BMF: variants seen among roughly 807,000 people sequenced by gnomAD.
The protein encoded by BMF is bcl-2-modifying factor.
Under a neutral mutation model 22.0 loss-of-function variants are expected in BMF, and 10 were observed. That is an observed-to-expected ratio of 0.45 (90% CI 0.28 to 0.77). The LOEUF is 0.77. Ranked by LOEUF, BMF falls within the 30% of genes least tolerant of loss-of-function variation. The pLI is 0.13. For synonymous variants in BMF, 87 were observed against 88.1 expected (o/e 0.99, Z 0.07); for missense variants, 206 against 226.8 (o/e 0.91, Z 0.59).
intron 4 of BMF, among the ~76,000 whole-genome samples, chr15:40,098,842 TCTC>T (rs1214458036): frequency 1.3e-5 from 2 of 152,138 alleles, no homozygotes; most frequent in Non-Finnish European, 2.9e-5. Flanking sequence ...ACAAGGCCCT[TCTC>T]CTGGAAGAGA....
At chr15:40,103,636 C>G (rs965723154) in intron 4 of BMF, among the ~76,000 whole-genome samples, 1 of 152,234 alleles carries the variant, frequency 6.6e-6, no homozygotes, top group Non-Finnish European at 1.5e-5. Context: ...GTACACTCTC[C>G]GGAGTCCCAG....
intron 4 of BMF, among the ~76,000 whole-genome samples, chr15:40,103,879 G>C (rs1280066034): frequency 6.6e-6 from 1 of 152,182 alleles, no homozygotes; most frequent in Non-Finnish European, 1.5e-5. Context: ...CATAAGAAGA[G>C]ACAGGTTGTC....
At chr15:40,099,780 C>CAAAAAA (rs747996690) in intron 4 of BMF, among the ~76,000 whole-genome samples, 1 of 64,394 alleles carries the variant, frequency 1.6e-5, no homozygotes, top group African/African-American at 6.9e-5. Flanking sequence ...GCTGTCTCAC[C>CAAAAAA]AAAAAAAAAA....
chr15:40,091,973 A>G, intron 4 of BMF, 85 bp from the exon 5 acceptor site: 1 of 1,062,670 alleles, frequency 9.4e-7, no homozygotes, highest in South Asian at 1.4e-5. Flanking sequence ...AAAAGTTCAG[A>G]TCTCCAAGTC....
intron 4 of BMF, among the ~76,000 whole-genome samples, chr15:40,100,935 G>A (rs561255632): frequency 1.4e-4 from 21 of 152,290 alleles, no homozygotes; most frequent in African/African-American, 5.1e-4. Context: ...ATGGACCAGT[G>A]GCCACTGTCT....
chr15:40,100,156 A>G (rs1347911013), intron 4 of BMF, among the ~76,000 whole-genome samples: 1 of 152,114 alleles, frequency 6.6e-6, no homozygotes, highest in Non-Finnish European at 1.5e-5. Flanking sequence ...AAATACCCCC[A>G]AATGTCATGA....
In BMF at chr15:40,105,912, C is replaced by G; in HGVS notation, c.175G>C (p.Gly59Arg). ...TCTTCCTGGCTGGTGGGTCGAAGGC[C>G]AGGGCCACAGCAGTGGGTGAGAGGG... ...LFPLTHCCGP[G>R]LRPTSQEDKA... Residue 59 changes from glycine (G) to arginine (R), a missense_variant, in exon 3 of 5, where the codon GGC becomes CGC. Transcript: ENST00000354670. 1 of 1,614,158 alleles carries G rather than the reference C, an allele frequency of 6.2e-7. No homozygotes were observed. The highest frequency in any genetic ancestry group is 8.5e-7 in the Non-Finnish European group (1 of 1,180,014).
chr15:40,093,057 T>C (rs1173826241), intron 4 of BMF, among the ~76,000 whole-genome samples: 1 of 152,100 alleles, frequency 6.6e-6, no homozygotes, highest in East Asian at 1.9e-4. Flanking sequence ...CCTGGTCAGA[T>C]GGGAAGAGGA....
At chr15:40,093,521 T>C (rs985335031) in intron 4 of BMF, among the ~76,000 whole-genome samples, 10 of 152,044 alleles carry the variant, frequency 6.6e-5, no homozygotes, top group Admixed American at 6.5e-4. Context: ...AGCGTGAAAA[T>C]GGACTCAGCT....
At chr15:40,092,577 G>A (rs1282948632) in intron 4 of BMF, among the ~76,000 whole-genome samples, 1 of 152,170 alleles carries the variant, frequency 6.6e-6, no homozygotes, top group Non-Finnish European at 1.5e-5. Flanking sequence ...CCCTCTTGGA[G>A]CGCTCTCCTA....
At chr15:40,097,642 AAC>A (rs1352890997) in intron 4 of BMF, among the ~76,000 whole-genome samples, 1 of 152,220 alleles carries the variant, frequency 6.6e-6, no homozygotes, top group Non-Finnish European at 1.5e-5. Context: ...AGTTTCCTAT[AAC>A]ACAGTGGCAA....
chr15:40,101,215 T>C (rs963958796), intron 4 of BMF, among the ~76,000 whole-genome samples: 8 of 152,150 alleles, frequency 5.3e-5, no homozygotes, highest in Non-Finnish European at 7.3e-5. Context: ...GGGAAATGAA[T>C]TGTGAACCAA....
intron 4 of BMF, among the ~76,000 whole-genome samples, chr15:40,096,176 T>TTC (rs2036356774): frequency 6.7e-5 from 10 of 148,936 alleles, no homozygotes; most frequent in African/African-American, 2.5e-4. Context: ...TTTTTTTTTT[T>TTC]TCTCTAAAGA....
chr15:40,091,862 C>G lies in BMF; in HGVS notation c.480G>C (p.Trp160Cys). The change falls in exon 5 of 5, where the codon TGG becomes TGC. Residue 160 changes from tryptophan to cysteine, a missense_variant. By Grantham distance (215) the Trp-to-Cys change is radical (BLOSUM62 -2). Transcript: ENST00000354670. ...QQHQQNQNRV[W>C]WQILLFLHNL... is the part of the protein sequence containing the mutation. ...TGTGCAGGAAGAGGAGGATCTGCCA[C>G]CACACACGATTTTGGTTCTGCTGGT... 1 of 1,610,462 alleles carries G rather than the reference C, an allele frequency of 6.2e-7. No homozygotes were observed. The highest frequency in any genetic ancestry group is 8.5e-7 in the Non-Finnish European group (1 of 1,178,602).
intron 4 of BMF, among the ~76,000 whole-genome samples, chr15:40,097,400 T>C (rs960636762): frequency 6.6e-6 from 1 of 152,230 alleles, no homozygotes; most frequent in Non-Finnish European, 1.5e-5. Flanking sequence ...TCAATTGTTT[T>C]ACAATATAAT....
rs1033574599 is a variant in BMF, at chr15:40,093,440, G to A, written c.454-1552C>T. On this transcript the variant is annotated intron_variant, in intron 4 of 4. Coordinates refer to ENST00000354670, the MANE Select transcript of BMF (RefSeq NM_001003940.2). ...GGGTGGGGAGATGGATGGCTTCCTC[G>A]TGTTTTGTAAACAAAGATGAGTAAA... 9.8e-5 allele frequency among the ~76,000 whole-genome samples: 15 copies of A among 152,318 alleles called. 1 individual carries two copies. In the South Asian group the frequency reaches 1.2e-3, roughly 13 times the overall value.
At chr15:40,102,544 G>A (rs905434174) in intron 4 of BMF, among the ~76,000 whole-genome samples, 3 of 152,058 alleles carry the variant, frequency 2.0e-5, no homozygotes, top group Admixed American at 6.6e-5. Flanking sequence ...GAGGGCTCCC[G>A]GCCTATTCCC....
chr15:40,104,933 A>G (rs923402158), intron 3 of BMF, among the ~76,000 whole-genome samples: 5 of 152,100 alleles, frequency 3.3e-5, no homozygotes, highest in African/African-American at 9.7e-5. Flanking sequence ...AGCGCTCCAC[A>G]CTTACCCAGT....
Position 40,091,592 on chromosome 15 carries a change from A to G in BMF, c.*195T>C. On this transcript the variant is annotated 3_prime_UTR_variant, in exon 5 of 5. Transcript: ENST00000354670. ...AGTGTTTGACAAAGGCCCCCATTCC[A>G]GGTCAAGGGCCTGACAGAGAAAGAA... 1.9e-6 allele frequency: 1 copy of G among 540,268 alleles called. No individual in the cohort carries two copies. The highest frequency in any genetic ancestry group is 2.8e-5 in the South Asian group (1 of 35,970). The allele number at this position is 540,268 out of a possible 1,614,324, so 33.5% of individuals were successfully genotyped here.
Sources: gnomAD v4.1 joint callset for allele counts (sites outside exome capture counted in the v4.1 genomes callset) on GRCh38, gnomAD v4.1.1 for gene constraint, MANE v1.5 for transcripts, NCBI Gene and HGNC (gene_info 2026-07-23, HGNC 2026-07-21) for gene names.